PRR11: variants seen among roughly 807,000 people sequenced by gnomAD.
The protein encoded by PRR11 is proline-rich protein 11.
PRR11 carries 30 observed loss-of-function variants against 45.6 expected under a neutral mutation model. That is an observed-to-expected ratio of 0.66 (90% CI 0.49 to 0.89). The LOEUF is 0.89. PRR11 is among the 40% of genes least tolerant of loss of function. The pLI is 0.00. For synonymous variants in PRR11, 128 were observed against 153.5 expected (o/e 0.83, Z 1.23); for missense variants, 373 against 424.8 (o/e 0.88, Z 1.07).
Position 59,174,980 on chromosome 17 carries a change from A to G in PRR11, c.128+5100A>G, listed in dbSNP as rs550079441. 62 of 807,704 alleles carry G rather than the reference A, an allele frequency of 7.7e-5. 1 individual carries two copies. The Admixed American group carries it at 8.1e-4, about 11-fold the overall frequency. The allele number at this position is 807,704 out of a possible 1,614,324, so 50.0% of individuals were successfully genotyped here. A position where few individuals can be genotyped will look rare whatever the true frequency, so the allele number is the denominator to read the frequency against. On this transcript the variant is annotated intron_variant, in intron 2 of 9. Coordinates refer to ENST00000262293, the MANE Select transcript of PRR11 (RefSeq NM_018304.4). Reference sequence around the variant, plus strand: ...CTACCTCCTCCAACTACTCCAGGGAAACCCAAGCCCTCCAGCGCATGGAAC... The same window carrying G: ...CTACCTCCTCCAACTACTCCAGGGAGACCCAAGCCCTCCAGCGCATGGAAC...
chr17:59,158,277 A>G (rs2147829955), intron 1 of PRR11, among the ~76,000 whole-genome samples: 1 of 152,360 alleles, frequency 6.6e-6, no homozygotes, highest in South Asian at 2.1e-4. Context: ...GAGAATTGTT[A>G]TGAATTAAAG....
At chr17:59,171,248 G>A (rs1030564154) in intron 2 of PRR11, among the ~76,000 whole-genome samples, 1 of 151,480 alleles carries the variant, frequency 6.6e-6, no homozygotes, top group Non-Finnish European at 1.5e-5. Flanking sequence ...GGGAGAAAGA[G>A]CGAGACTCCG....
chr17:59,179,408 A>C (rs1179100679), intron 2 of PRR11, among the ~76,000 whole-genome samples: 1 of 152,120 alleles, frequency 6.6e-6, no homozygotes, highest in Non-Finnish European at 1.5e-5. Flanking sequence ...ACATGCTGGG[A>C]TCTCAGACGT....
chr17:59,186,873 T>C (rs1167313841), intron 4 of PRR11, among the ~76,000 whole-genome samples: 1 of 152,102 alleles, frequency 6.6e-6, no homozygotes, highest in East Asian at 1.9e-4. Flanking sequence ...GGAAATAATA[T>C]GAACACAGCA....
At chr17:59,160,083 C>CAA (rs530680072) in intron 1 of PRR11, among the ~76,000 whole-genome samples, 1 of 144,010 alleles carries the variant, frequency 6.9e-6, no homozygotes, top group Non-Finnish European at 1.5e-5. Context: ...TCTCAAGCAG[C>CAA]AAAAAAAAAA....
At chr17:59,170,573 T>C (rs1700393806) in intron 2 of PRR11, among the ~76,000 whole-genome samples, 1 of 151,972 alleles carries the variant, frequency 6.6e-6, no homozygotes, top group African/African-American at 2.4e-5. Context: ...TTCTCTTCTA[T>C]TATTTTTCTT....
Position 59,205,023 on chromosome 17 carries a change from T to C in PRR11, c.*3392T>C, listed in dbSNP as rs2046911484. Among the ~76,000 whole-genome samples the C allele has an allele frequency of 6.6e-6, 1 of 151,016 alleles. No homozygotes were observed. Among genetic ancestry groups the C allele is most frequent in the Non-Finnish European group, 1.5e-5 (1 of 67,868 alleles). Reference sequence around the variant, plus strand: ...AGCCTGCTGGGTAACAGAGCAAGACTCCATCTCAAAAAGAAAAGAAAAAAT... The same window carrying C: ...AGCCTGCTGGGTAACAGAGCAAGACCCCATCTCAAAAAGAAAAGAAAAAAT... On this transcript the variant is annotated 3_prime_UTR_variant, in exon 10 of 10. Coordinates refer to ENST00000262293, the MANE Select transcript of PRR11 (RefSeq NM_018304.4).
Position 59,205,815 on chromosome 17 carries a change from G to T in PRR11, c.*4184G>T, listed in dbSNP as rs1485311434. Among the ~76,000 whole-genome samples the T allele has an allele frequency of 6.6e-6, 1 of 151,892 alleles. No individual in the cohort carries two copies. The highest frequency in any genetic ancestry group is 6.6e-5 in the Admixed American group (1 of 15,238). On this transcript the variant is annotated 3_prime_UTR_variant, in exon 10 of 10. Transcript: ENST00000262293. ...AATCCCAGCACTTTGGGAGGCCGAG[G>T]TGGGTGTATCACTTGAGGTCAGGAG...
intron 2 of PRR11, 150 bp from the exon 3 acceptor site, chr17:59,184,904 C>T (rs989635944): frequency 4.5e-5 from 13 of 287,404 alleles, no homozygotes; most frequent in African/African-American, 1.1e-4. Flanking sequence ...GCCATGTTGC[C>T]GAGGCTAGTC....
chr17:59,180,520 T>G (rs1297898310), intron 2 of PRR11, among the ~76,000 whole-genome samples: 43 of 87,114 alleles, frequency 4.9e-4, no homozygotes, highest in African/African-American at 1.6e-3. Flanking sequence ...GTTTTTTTTG[T>G]TTTTTTTGCC....
At position 59,162,245 on chromosome 17, in the gene PRR11, CACACAG is replaced by C. The variant is rs1344908899; in HGVS notation, c.-6+6442_-6+6447del. ...ACACACACACACACACACACACACA[CACACAG>C]AGAGAGAGAGAGAGAGAGAAAGAAA... is the stretch of plus-strand genomic sequence containing the variant. On this transcript the variant is annotated intron_variant, in intron 1 of 9. Coordinates refer to ENST00000262293, the MANE Select transcript of PRR11 (RefSeq NM_018304.4). Among the ~76,000 whole-genome samples the C allele has an allele frequency of 2.9e-3, 431 of 147,262 alleles. 2 individuals are homozygous for C. Among genetic ancestry groups the C allele is most frequent in the African/African-American group, 0.011 (405 of 37,326 alleles).
rs71367676 is a variant in PRR11 at position 59,176,684 on chromosome 17, C to CTTTTT, written c.128+6830_128+6834dup. 1.8e-3 allele frequency among the ~76,000 whole-genome samples: 72 copies of CTTTTT among 39,002 alleles called. 11 individuals are homozygous for CTTTTT. The highest frequency in any genetic ancestry group is 0.025 in the Middle Eastern group (1 of 40). 25.6% of individuals were successfully genotyped at this position (39,002 alleles called of 152,430 possible). ...TGGCGTTGGAATTTGGTTTTTTTGGCTTTTTTTTTTTTTTTTTTTTTTTTT... is the reference window on the plus strand; with the variant it reads ...TGGCGTTGGAATTTGGTTTTTTTGGCTTTTTTTTTTTTTTTTTTTTTTTTTTTTTT... On this transcript the variant is annotated intron_variant, in intron 2 of 9. Coordinates refer to ENST00000262293, the MANE Select transcript of PRR11 (RefSeq NM_018304.4).
At chr17:59,194,961 C>T in intron 6 of PRR11, 106 bp downstream of exon 6, 1 of 846,996 alleles carries the variant, frequency 1.2e-6, no homozygotes, top group Non-Finnish European at 1.9e-6. Context: ...ATCACCTGAG[C>T]CCAGGAGTTC....
chr17:59,172,618 C>T (rs2046715808), intron 2 of PRR11, among the ~76,000 whole-genome samples: 1 of 152,254 alleles, frequency 6.6e-6, no homozygotes, highest in African/African-American at 2.4e-5. Context: ...ACACTCTGAG[C>T]TGTCGGCTGC....
intron 1 of PRR11, among the ~76,000 whole-genome samples, chr17:59,161,134 T>TCC (rs2046650295): frequency 6.6e-6 from 1 of 152,070 alleles, no homozygotes; most frequent in East Asian, 1.9e-4. Flanking sequence ...AGGCCAGGCA[T>TCC]GGTGGCTCAT....
intron 2 of PRR11, among the ~76,000 whole-genome samples, chr17:59,180,510 G>GTTTTTTTTTTTTTT (rs1555716481): frequency 2.8e-5 from 3 of 108,634 alleles, no homozygotes; most frequent in African/African-American, 8.9e-5. Flanking sequence ...TTTTTTTTTT[G>GTTTTTTTTTTTTTT]TTTTTTTTGT....
At chr17:59,179,960 T>A (rs2046772015) in intron 2 of PRR11, 1 of 1,217,622 alleles carries the variant, frequency 8.2e-7, no homozygotes, top group African/African-American at 1.5e-5. Flanking sequence ...CAAACCACTC[T>A]CCATCCTCCC....
intron 7 of PRR11, 112 bp downstream of exon 7, chr17:59,195,555 A>C (rs963217395): frequency 1.5e-6 from 1 of 666,982 alleles, no homozygotes; most frequent in African/African-American, 1.8e-5. Context: ...CTAATGTTAA[A>C]AGTTATATAT....
chr17:59,160,863 G>A (rs1290616376), intron 1 of PRR11: 1 of 151,822 alleles, frequency 6.6e-6, no homozygotes, highest in African/African-American at 2.4e-5. Context: ...CCTTCAGAGT[G>A]GCTAGGACTA....
Sources: allele counts gnomAD v4.1 joint callset (sites outside exome capture counted in the v4.1 genomes callset), GRCh38; gene constraint gnomAD v4.1.1; transcripts MANE v1.5; gene names NCBI Gene and HGNC (gene_info 2026-07-23, HGNC 2026-07-21).